The following RANBP17 variants were observed in gnomAD, a reference collection of about 807,000 sequenced individuals.
RANBP17 encodes the protein ran-binding protein 17.
RANBP17 carries 158 observed loss-of-function variants against 141.2 expected under a neutral mutation model. The observed-to-expected ratio is 1.12, with a 90% confidence interval of 0.98 to 1.28. The LOEUF (loss-of-function observed/expected upper bound fraction) is 1.28, where lower values mean the gene tolerates loss of function less well. Among genes scored for constraint, RANBP17 ranks in the 50% most tolerant of loss-of-function variants. RANBP17 has a pLI of 0.00. For synonymous variants in RANBP17, 430 were observed against 450.0 expected, an observed-to-expected ratio of 0.96 and a Z score of 0.56; for missense variants, 1,438 against 1,290.7, an observed-to-expected ratio of 1.11 and a Z score of -1.75.
chr5:170,863,462 G>A (rs1479654273), intron 1 of RANBP17: 1 of 152,128 alleles, frequency 6.6e-6, no homozygotes, highest in African/African-American at 2.4e-5. Context: ...GTTACTGTCT[G>A]ATAATCGACA....
chr5:171,089,848 G>A (rs866555630), intron 14 of RANBP17, among the ~76,000 whole-genome samples: 6 of 152,106 alleles, frequency 3.9e-5, no homozygotes, highest in South Asian at 2.1e-4. Context: ...ACTGGCCTGC[G>A]CCCACTGTCT....
chr5:171,035,868 G>A (rs1435535013), intron 14 of RANBP17, among the ~76,000 whole-genome samples: 1 of 151,230 alleles, frequency 6.6e-6, no homozygotes, highest in Non-Finnish European at 1.5e-5. Flanking sequence ...CCAAGGTAGA[G>A]AGCATAGTAC....
chr5:171,071,604 A>G (rs1784635898), intron 14 of RANBP17, among the ~76,000 whole-genome samples: 7 of 136,548 alleles, frequency 5.1e-5, no homozygotes. Context: ...TCCACAGGAA[A>G]AGGGTAGTTT....
At chr5:170,978,493 A>G (rs191107210) in intron 14 of RANBP17, among the ~76,000 whole-genome samples, 1 of 152,294 alleles carries the variant, frequency 6.6e-6, no homozygotes, top group Admixed American at 6.5e-5. Context: ...GTATACTCAT[A>G]CACTGTAATA....
rs1765646163 is a variant in RANBP17 at position 171,252,655 on chromosome 5, T to G, written c.2776+9835T>G. ...ACTCTCTTACCAGGTAGTTTTTCCT[T>G]TAAAACTTAGTCTATTTAACACTTC... On this transcript the variant is annotated intron_variant, in intron 24 of 27. Coordinates refer to ENST00000523189, the MANE Select transcript of RANBP17 (RefSeq NM_022897.5). The G allele has an allele frequency of 5.7e-6, 8 of 1,397,960 alleles. No individual in the cohort carries two copies. In the East Asian group the frequency reaches 1.6e-4, roughly 28 times the overall value. 86.6% of individuals were successfully genotyped at this position (1,397,960 alleles called of 1,614,324 possible).
At chr5:171,183,932 A>G (rs1761044878) in intron 18 of RANBP17, among the ~76,000 whole-genome samples, 1 of 152,218 alleles carries the variant, frequency 6.6e-6, no homozygotes, top group African/African-American at 2.4e-5. Flanking sequence ...TTATAACATT[A>G]AGTGAAAAGG....
At chr5:171,170,273 A>T (rs1760009164) in intron 15 of RANBP17, 70 bp downstream of exon 15, 2 of 673,608 alleles carry the variant, frequency 3.0e-6, no homozygotes, top group Non-Finnish European at 4.7e-6. Context: ...TTTTTATTGT[A>T]TTTAAACCTT....
At chr5:171,165,375 A>G (rs1366940271) in intron 14 of RANBP17, among the ~76,000 whole-genome samples, 1 of 151,958 alleles carries the variant, frequency 6.6e-6, no homozygotes, top group Non-Finnish European at 1.5e-5. Flanking sequence ...TTGGGGTTTC[A>G]CCGTGTTGCC....
chr5:171,158,037 A>G (rs112393648), intron 14 of RANBP17, among the ~76,000 whole-genome samples: 1 of 152,226 alleles, frequency 6.6e-6, no homozygotes, highest in Non-Finnish European at 1.5e-5. Context: ...CAATGCTTCC[A>G]GTATTTCTGA....
rs540901117 is a variant in RANBP17 at position 171,250,117 on chromosome 5, CAGAA to C, written c.2776+7303_2776+7306del. On this transcript the variant is annotated intron_variant, in intron 24 of 27. Coordinates refer to ENST00000523189, the MANE Select transcript of RANBP17 (RefSeq NM_022897.5). ...ACAATGGAATGATACATTCAAAGTA[CAGAA>C]AGAAAAACTGGCCAAGAATACTACA... 1.2e-3 allele frequency among the ~76,000 whole-genome samples: 175 copies of C among 152,168 alleles called. 2 individuals are homozygous for C. Among genetic ancestry groups the C allele is most frequent in the Non-Finnish European group, 2.0e-3 (137 of 67,978 alleles).
rs544639820 is a variant in RANBP17, at chr5:170,896,076, A to G, written c.450A>G (p.Gly150=). 2 of 1,608,894 alleles carry G rather than the reference A, an allele frequency of 1.2e-6. No individual in the cohort carries two copies. Among genetic ancestry groups the G allele is most frequent in the Admixed American group, 1.7e-5 (1 of 59,134 alleles). Residue 150 remains glycine, a synonymous_variant, in exon 5 of 28, where the codon GGA becomes GGG. Transcript: ENST00000523189. ...LQGTVEHCII[G]VIILSELTQE... Reference sequence around the variant, plus strand: ...GTACTGTGGAACACTGCATAATAGGAGTAATAATCCTTTCTGAATTGACTC... The same window carrying G: ...GTACTGTGGAACACTGCATAATAGGGGTAATAATCCTTTCTGAATTGACTC...
intron 14 of RANBP17, among the ~76,000 whole-genome samples, chr5:171,026,202 A>G (rs900301939): frequency 2.6e-5 from 4 of 151,948 alleles, no homozygotes; most frequent in African/African-American, 9.7e-5. Context: ...TTATTGAGAA[A>G]CTCCCATGTG....
At chr5:171,090,436 T>G (rs955634382) in intron 14 of RANBP17, among the ~76,000 whole-genome samples, 24 of 152,200 alleles carry the variant, frequency 1.6e-4, no homozygotes, top group Non-Finnish European at 3.1e-4. Flanking sequence ...GTTAAAGGCA[T>G]TCAGTTTTAA....
intron 14 of RANBP17, among the ~76,000 whole-genome samples, chr5:171,043,106 G>A (rs1362465928): frequency 6.6e-6 from 1 of 152,126 alleles, no homozygotes; most frequent in African/African-American, 2.4e-5. Flanking sequence ...ACTGACTACA[G>A]TATTTTCATG....
At chr5:170,952,495 TAA>T (rs1379983495) in intron 12 of RANBP17, among the ~76,000 whole-genome samples, 3 of 152,044 alleles carry the variant, frequency 2.0e-5, no homozygotes. Flanking sequence ...CCAAAAATTA[TAA>T]AAGAGTTGTT....
chr5:171,287,788 A>G (rs1466974839), intron 25 of RANBP17, among the ~76,000 whole-genome samples: 2 of 152,024 alleles, frequency 1.3e-5, no homozygotes, highest in African/African-American at 2.4e-5. Flanking sequence ...GTACAGTGGC[A>G]TGATCTCAGC....
At chr5:171,292,616 C>G (rs1306596123) in intron 25 of RANBP17, among the ~76,000 whole-genome samples, 3 of 152,170 alleles carry the variant, frequency 2.0e-5, no homozygotes, top group African/African-American at 7.2e-5. Flanking sequence ...ATTGCCGTTT[C>G]CCCTGCCCTC....
At chr5:170,979,305 A>G (rs1462223806) in intron 14 of RANBP17, among the ~76,000 whole-genome samples, 1 of 152,220 alleles carries the variant, frequency 6.6e-6, no homozygotes, top group Non-Finnish European at 1.5e-5. Flanking sequence ...CTTTCTCTAT[A>G]TTTGAAATAT....
chr5:170,998,624 C>T (rs1030746462), intron 14 of RANBP17, among the ~76,000 whole-genome samples: 1 of 152,126 alleles, frequency 6.6e-6, no homozygotes, highest in Non-Finnish European at 1.5e-5. Context: ...ATTTTAACCA[C>T]TACTAATTAA....
Sources: allele counts gnomAD v4.1 joint callset (sites outside exome capture counted in the v4.1 genomes callset), GRCh38; gene constraint gnomAD v4.1.1; transcripts MANE v1.5; gene names NCBI Gene and HGNC (gene_info 2026-07-23, HGNC 2026-07-21).